The following ZNF682 variants were observed in gnomAD, a reference collection of about 807,000 sequenced individuals.
ZNF682 encodes zinc finger protein 682.
A neutral mutation model predicts 36.5 loss-of-function variants in ZNF682; 29 were observed. The observed-to-expected ratio is 0.80, with a 90% CI of 0.59 to 1.08. ZNF682 has a LOEUF of 1.08. Among genes scored for constraint, ZNF682 ranks in the 50% least tolerant of loss-of-function variants. The probability of loss-of-function intolerance (pLI) is 0.00; values close to 1 mark genes in which losing one functional copy is unlikely to be tolerated. For synonymous variants in ZNF682, 180 were observed against 197.0 expected (o/e 0.91, Z 0.72); for missense variants, 561 against 579.7 (o/e 0.97, Z 0.33).
Position 20,006,015 on chromosome 19 carries a change from A to T in ZNF682, c.1487T>A (p.Leu496His). ...CGEAFNHCSN[L>H]TT ...CTTTAGTAAAAATTCTTACGTAGTA[A>T]GGTTTGAGCAGTGATTAAAAGCTTC... Residue 496 changes from leucine to histidine, a missense_variant, in exon 4 of 4, where the codon CTT becomes CAT. Transcript: ENST00000397165. 1.9e-6 allele frequency: 3 copies of T among 1,572,560 alleles called. No homozygotes were observed. Among genetic ancestry groups the T allele is most frequent in the Non-Finnish European group, 2.6e-6 (3 of 1,159,740 alleles).
At chr19:20,012,647 A>T (rs972440489) in intron 3 of ZNF682, among the ~76,000 whole-genome samples, 1 of 151,822 alleles carries the variant, frequency 6.6e-6, no homozygotes, top group Non-Finnish European at 1.5e-5. Flanking sequence ...GGGCGCCTGT[A>T]GTCTCAGCTG....
At position 20,036,286 on chromosome 19, in the gene ZNF682, C is replaced by G. The variant is rs533507892; in HGVS notation, c.3+3057G>C. On this transcript the variant is annotated intron_variant, in intron 1 of 3. Transcript: ENST00000397165. ...AGAGATACCCTTCTGTATCTGTGACCCTTTAGCTTTCTGGATTGCTGAATT... is the reference window on the plus strand; with the variant it reads ...AGAGATACCCTTCTGTATCTGTGACGCTTTAGCTTTCTGGATTGCTGAATT... Among the ~76,000 whole-genome samples, 56 of 152,034 alleles carry G rather than the reference C, an allele frequency of 3.7e-4. No individual in the cohort carries two copies. The South Asian group carries it at 0.012, about 32-fold the overall frequency.
chr19:20,028,557 G>C (rs2088452455), intron 1 of ZNF682, among the ~76,000 whole-genome samples: 3 of 152,108 alleles, frequency 2.0e-5, no homozygotes, highest in Admixed American at 2.0e-4. Context: ...TTCATTCACA[G>C]CTAATGCTGA....
downstream of ZNF682, among the ~76,000 whole-genome samples, chr19:19,995,795 T>A (rs1214131356): frequency 6.6e-6 from 1 of 150,746 alleles, no homozygotes; most frequent in Non-Finnish European, 1.5e-5. Context: ...TATCCCACAG[T>A]TTGCAAAATA....
Position 20,033,000 on chromosome 19 carries a change from TCAC to T in ZNF682, c.3+6340_3+6342del, listed in dbSNP as rs1464718310. 6.6e-5 allele frequency among the ~76,000 whole-genome samples: 10 copies of T among 152,286 alleles called. No individual in the cohort carries two copies. In the East Asian group the frequency reaches 1.9e-3, roughly 29 times the overall value. On this transcript the variant is annotated intron_variant, in intron 1 of 3. Transcript: ENST00000397165. Reference sequence around the variant, plus strand: ...AAACTGTGGTGCCAGGTGCGGTGGCTCACTACTGTAATCCCAGCACTTTGGGAG... The same window carrying T: ...AAACTGTGGTGCCAGGTGCGGTGGCTTACTGTAATCCCAGCACTTTGGGAG...
At chr19:19,998,988 G>A (rs2088145415) in intron 3 of ZNF682, among the ~76,000 whole-genome samples, 1 of 152,026 alleles carries the variant, frequency 6.6e-6, no homozygotes, top group Non-Finnish European at 1.5e-5. Flanking sequence ...GTACTATGAG[G>A]TGGGGCATCA....
At chr19:20,036,706 C>T (rs1215547928) in intron 1 of ZNF682, among the ~76,000 whole-genome samples, 7 of 149,680 alleles carry the variant, frequency 4.7e-5, no homozygotes, top group Admixed American at 4.0e-4. Context: ...GTGGCTCATG[C>T]CTGTAATCCC....
intron 1 of ZNF682, among the ~76,000 whole-genome samples, chr19:20,026,474 T>G (rs1192109517): frequency 2.6e-5 from 4 of 151,886 alleles, no homozygotes; most frequent in Non-Finnish European, 5.9e-5. Context: ...CTTTATTTAT[T>G]TATTTATTTT....
chr19:20,024,349 T>C lies in ZNF682; in HGVS notation c.31A>G (p.Ile11Val), dbSNP rs1214499932. 10 of 1,613,150 alleles carry C rather than the reference T, an allele frequency of 6.2e-6. No homozygotes were observed. Among genetic ancestry groups the C allele is most frequent in the Non-Finnish European group, 8.5e-6 (10 of 1,179,702 alleles). Residue 11 changes from isoleucine (I) to valine (V), a missense_variant, in exon 2 of 4, where the codon ATA becomes GTA. By Grantham distance (29) the Ile-to-Val change is conservative. Transcript: ENST00000397165. MELLTFRDVT[I>V]EFSLEEWEFL... ...TCCCACTCCTCCAGAGAGAATTCTA[T>C]GGTCACATCCCTGAATGTCAACAGT...
chr19:20,010,979 T>A (rs571807695), intron 3 of ZNF682, among the ~76,000 whole-genome samples: 16 of 150,850 alleles, frequency 1.1e-4, no homozygotes, highest in African/African-American at 3.2e-4. Context: ...AAAAAAAAAT[T>A]TTTTTAATTA....
chr19:20,036,935 T>C (rs565123274), intron 1 of ZNF682, among the ~76,000 whole-genome samples: 14 of 151,804 alleles, frequency 9.2e-5, no homozygotes, highest in Non-Finnish European at 1.9e-4. Context: ...TAGTGAGCTA[T>C]GATCATGCCA....
chr19:20,024,913 G>GT (rs2088418706), intron 1 of ZNF682, among the ~76,000 whole-genome samples: 1 of 152,186 alleles, frequency 6.6e-6, no homozygotes, highest in African/African-American at 2.4e-5. Context: ...GGCATATACA[G>GT]TTTGAGTTTT....
At chr19:20,024,491 T>C in intron 1 of ZNF682, 115 bp from the exon 2 acceptor site, 1 of 1,212,482 alleles carries the variant, frequency 8.2e-7, no homozygotes. Context: ...TTCAATCTGC[T>C]ATTTTTAACA....
At chr19:20,027,413 TC>T (rs2088440779) in intron 1 of ZNF682, among the ~76,000 whole-genome samples, 1 of 152,250 alleles carries the variant, frequency 6.6e-6, no homozygotes, top group South Asian at 2.1e-4. Flanking sequence ...AGGGCCCCAC[TC>T]CCCTGCTCCC....
chr19:20,031,255 G>T (rs1354727938), intron 1 of ZNF682: 1 of 152,250 alleles, frequency 6.6e-6, no homozygotes, highest in East Asian at 1.9e-4. Context: ...CAGCTTACAG[G>T]TAGGTGTGGT....
chr19:19,997,871 T>G (rs555613244), intron 3 of ZNF682, among the ~76,000 whole-genome samples: 6 of 152,330 alleles, frequency 3.9e-5, no homozygotes, highest in Admixed American at 6.5e-5. Context: ...CTCTAGGTGG[T>G]GAGAGCCTTC....
intron 3 of ZNF682, among the ~76,000 whole-genome samples, chr19:20,022,459 T>C (rs10418140): frequency 0.79 from 119,454 of 151,844 alleles, 47,108 homozygotes; most frequent in Middle Eastern, 0.88. Flanking sequence ...CCTGAGGTCG[T>C]GGGTTCAAGA....
intron 3 of ZNF682, among the ~76,000 whole-genome samples, chr19:20,014,818 G>A (rs558775360): frequency 1.3e-5 from 2 of 150,068 alleles, no homozygotes; most frequent in South Asian, 4.2e-4. Context: ...TAACATGTAC[G>A]ATAAAGAGAA....
At chr19:20,016,145 T>C (rs2088332874) in intron 3 of ZNF682, among the ~76,000 whole-genome samples, 1 of 152,130 alleles carries the variant, frequency 6.6e-6, no homozygotes, top group Admixed American at 6.5e-5. Context: ...ACTCCATCTT[T>C]AGAAAGAATA....
Sources: allele counts gnomAD v4.1 joint callset (sites outside exome capture counted in the v4.1 genomes callset), GRCh38; gene constraint gnomAD v4.1.1; transcripts MANE v1.5; gene names NCBI Gene and HGNC (gene_info 2026-07-23, HGNC 2026-07-21).